The following RAPGEF6 variants were observed in gnomAD, a reference collection of about 807,000 sequenced individuals.
RAPGEF6 encodes the protein PDZ domain containing guanine nucleotide exchange factor (GEF) 2.
A neutral mutation model predicts 171.4 loss-of-function variants in RAPGEF6; 56 were observed. That is an observed-to-expected ratio of 0.33 (90% CI 0.26 to 0.41). RAPGEF6 has a LOEUF of 0.41. Ranked by LOEUF, RAPGEF6 falls within the 10% of genes least tolerant of loss-of-function variation. RAPGEF6 has a pLI of 1.00. For missense variants in RAPGEF6, 1,674 were observed against 1,921.4 expected (o/e 0.87, Z 2.41); for synonymous variants, 692 against 650.1 (o/e 1.06, Z -0.98).
chr5:131,507,886 G>C (rs112449177), intron 9 of RAPGEF6, among the ~76,000 whole-genome samples, 185 bp downstream of exon 9: 8 of 151,930 alleles, frequency 5.3e-5, no homozygotes, highest in African/African-American at 1.9e-4. Flanking sequence ...TTTAAAATTA[G>C]GGCAAAGCAA....
At chr5:131,564,899 G>C (rs1761836063) in intron 4 of RAPGEF6, among the ~76,000 whole-genome samples, 1 of 152,142 alleles carries the variant, frequency 6.6e-6, no homozygotes, top group South Asian at 2.1e-4. Flanking sequence ...AAATTGGTGA[G>C]TAGCTTCAGA....
chr5:131,447,954 G>C (rs1363256987), intron 21 of RAPGEF6, among the ~76,000 whole-genome samples: 1 of 152,172 alleles, frequency 6.6e-6, no homozygotes, highest in East Asian at 1.9e-4. Flanking sequence ...AAAATCCAAA[G>C]CCATTAGTGA....
At chr5:131,580,702 T>G (rs1762908269) in intron 4 of RAPGEF6, among the ~76,000 whole-genome samples, 1 of 152,240 alleles carries the variant, frequency 6.6e-6, no homozygotes. Context: ...CTCTAATGGC[T>G]GCTGCCCTTG....
chr5:131,433,793 A>G, intron 24 of RAPGEF6, 135 bp from the exon 25 acceptor site: 1 of 683,594 alleles, frequency 1.5e-6, no homozygotes, highest in Non-Finnish European at 2.4e-6. Context: ...GTTTCCATCT[A>G]TGTAGATATA....
chr5:131,506,896 T>G (rs1757403604), intron 9 of RAPGEF6, among the ~76,000 whole-genome samples: 1 of 151,912 alleles, frequency 6.6e-6, no homozygotes, highest in South Asian at 2.1e-4. Context: ...TAGAATATCC[T>G]GTTTAAAAAA....
At chr5:131,634,788 C>T (rs1015637575) in intron 1 of RAPGEF6, among the ~76,000 whole-genome samples, 174 bp downstream of exon 1, 2 of 152,196 alleles carry the variant, frequency 1.3e-5, no homozygotes, top group African/African-American at 4.8e-5. Context: ...GCAGGAAGGG[C>T]GGTCGGCACC....
chr5:131,435,897 T>C, intron 24 of RAPGEF6: 1 of 1,477,390 alleles, frequency 6.8e-7, no homozygotes, highest in Middle Eastern at 1.8e-4. Flanking sequence ...TTAAGCCATG[T>C]ATACATTAAT....
chr5:131,463,876 A>C, intron 18 of RAPGEF6, 165 bp downstream of exon 18: 1 of 1,359,620 alleles, frequency 7.4e-7, no homozygotes, highest in Non-Finnish European at 9.5e-7. Context: ...AGTGGTTCTA[A>C]GAGTTTATTT....
intron 14 of RAPGEF6, 53 bp from the exon 15 acceptor site, chr5:131,489,707 T>C: frequency 2.0e-6 from 2 of 986,830 alleles, no homozygotes; most frequent in African/African-American, 3.4e-5. Context: ...TAGTTACTCC[T>C]ACAACCTTAA....
intron 6 of RAPGEF6, among the ~76,000 whole-genome samples, chr5:131,536,085 A>C (rs1759751987): frequency 6.6e-6 from 1 of 152,222 alleles, no homozygotes; most frequent in African/African-American, 2.4e-5. Context: ...CAAAGAAGTT[A>C]AAGAACAAAA....
chr5:131,521,840 TACACACACACACACACACAC>T (rs3992018), intron 6 of RAPGEF6, among the ~76,000 whole-genome samples: 8,551 of 97,264 alleles, frequency 0.088, 533 homozygotes, highest in African/African-American at 0.19. Context: ...AATGTTACCC[TACACACACACACACACACAC>T]ACACACACAC....
intron 7 of RAPGEF6, among the ~76,000 whole-genome samples, chr5:131,517,962 CAACTTTT>C: frequency 6.7e-6 from 1 of 150,346 alleles, no homozygotes; most frequent in Admixed American, 6.6e-5. Context: ...ATTTTTTTTT[CAACTTTT>C]AACTATACAA....
intron 13 of RAPGEF6, among the ~76,000 whole-genome samples, chr5:131,493,604 C>T (rs1011446248): frequency 2.0e-5 from 3 of 152,142 alleles, no homozygotes; most frequent in Non-Finnish European, 4.4e-5. Context: ...TCTACCAGTT[C>T]TAATTCCAGT....
intron 20 of RAPGEF6, among the ~76,000 whole-genome samples, chr5:131,453,843 A>C (rs1297435088): frequency 2.6e-5 from 4 of 152,224 alleles, no homozygotes; most frequent in Admixed American, 6.5e-5. Context: ...ATCATGACGA[A>C]TACTCTCAAG....
chr5:131,520,617 T>C (rs1346912886), intron 7 of RAPGEF6, among the ~76,000 whole-genome samples: 1 of 152,204 alleles, frequency 6.6e-6, no homozygotes, highest in South Asian at 2.1e-4. Flanking sequence ...CATCCTCTTG[T>C]TATTTTATTT....
rs920026338 is a variant in RAPGEF6, at chr5:131,634,074, T to C, written c.69+888A>G. Among the ~76,000 whole-genome samples the C allele has an allele frequency of 1.1e-4, 17 of 152,220 alleles. 1 individual carries two copies. The highest frequency in any genetic ancestry group is 1.1e-3 in the Admixed American group (17 of 15,286). On this transcript the variant is annotated intron_variant, in intron 1 of 27. Coordinates refer to ENST00000509018, the MANE Select transcript of RAPGEF6 (RefSeq NM_016340.6). ...TCAGCCCAACGTTACTGAGACTCAG[T>C]ATGCAAAACACTACATATCTGAAAA... is the stretch of plus-strand genomic sequence containing the variant.
chr5:131,429,749 A>C (rs1751583914), intron 26 of RAPGEF6, among the ~76,000 whole-genome samples: 1 of 152,104 alleles, frequency 6.6e-6, no homozygotes, highest in Non-Finnish European at 1.5e-5. Flanking sequence ...GGAGGAACTA[A>C]TTCCTTCAAG....
intron 25 of RAPGEF6, 115 bp from the exon 26 acceptor site, chr5:131,431,464 C>A: frequency 2.7e-6 from 3 of 1,115,204 alleles, no homozygotes; most frequent in East Asian, 2.4e-5. Context: ...AGTGTTCATG[C>A]CAAATAACAT....
In RAPGEF6 at chr5:131,427,020, C is replaced by G. The variant is rs1232995101; in HGVS notation, c.*246G>C. The G allele has an allele frequency of 2.0e-6, 1 of 512,330 alleles. No individual in the cohort carries two copies. Among genetic ancestry groups the G allele is most frequent in the Non-Finnish European group, 3.4e-6 (1 of 292,452 alleles). 31.7% of individuals were successfully genotyped at this position (512,330 alleles called of 1,614,324 possible). A position where few individuals can be genotyped will look rare whatever the true frequency, so the allele number is the denominator to read the frequency against. ...CTGTAACTGTGGTCCCAAGGCAGTT[C>G]CGGCGTGCAAAGTGGAGACTGGTAT... On this transcript the variant is annotated 3_prime_UTR_variant, in exon 28 of 28. Transcript: ENST00000509018.
Sources: gnomAD v4.1 joint callset for allele counts (sites outside exome capture counted in the v4.1 genomes callset) on GRCh38, gnomAD v4.1.1 for gene constraint, MANE v1.5 for transcripts, NCBI Gene and HGNC (gene_info 2026-07-23, HGNC 2026-07-21) for gene names.